The following FGD6 variants were observed in gnomAD, a reference collection of about 807,000 sequenced individuals.
FGD6 encodes FYVE, RhoGEF and PH domain containing 6, also known as FYVE, RhoGEF and PH domain-containing protein 6.
Under a neutral mutation model 149.4 loss-of-function variants are expected in FGD6, and 90 were observed. The ratio of observed to expected loss-of-function variants is 0.60; its 90% CI spans 0.51 to 0.72. The LOEUF (loss-of-function observed/expected upper bound fraction) is 0.72. Among genes scored for constraint, FGD6 ranks in the 30% least tolerant of loss-of-function variants. FGD6 has a pLI of 0.00. For missense variants in FGD6, 1,437 were observed against 1,684.8 expected (o/e 0.85, Z 2.57); for synonymous variants, 527 against 584.0 (o/e 0.90, Z 1.41).
intron 2 of FGD6, among the ~76,000 whole-genome samples, chr12:95,173,458 T>C (rs1018957666): frequency 1.3e-5 from 2 of 152,132 alleles, no homozygotes; most frequent in African/African-American, 2.4e-5. Flanking sequence ...AAGCTGAACT[T>C]GGAAAACCAC....
intron 2 of FGD6, among the ~76,000 whole-genome samples, chr12:95,182,905 C>T (rs2136288984): frequency 6.6e-6 from 1 of 152,338 alleles, no homozygotes. Flanking sequence ...AACAGGGTGA[C>T]CACTTTGTCC....
chr12:95,209,767 G>A lies in FGD6; in HGVS notation c.1517C>T (p.Ala506Val), dbSNP rs2056714342. ...GGCAGCCTTTTTAAGCACTCCTGTAGCAGGCAAGCTATGTCTTTGAGGTTT... is the reference window on the plus strand; with the variant it reads ...GGCAGCCTTTTTAAGCACTCCTGTAACAGGCAAGCTATGTCTTTGAGGTTT... ...PKKPQRHSLPATGVLKKAASE... is the reference protein window; with the variant it reads ...PKKPQRHSLPVTGVLKKAASE... Residue 506 changes from alanine to valine, a missense_variant, in exon 2 of 21, where the codon GCT becomes GTT. Ala to Val is a moderately conservative substitution (Grantham distance 64). Around this residue, in one of 2 missense-constraint regions of FGD6, gnomAD observed 1,055 missense variants for 1,146.0 expected, o/e 0.92. Coordinates refer to ENST00000343958, the MANE Select transcript of FGD6 (RefSeq NM_018351.4). The A allele has an allele frequency of 6.2e-7, 1 of 1,613,716 alleles. No homozygotes were observed. The highest frequency in any genetic ancestry group is 8.5e-7 in the Non-Finnish European group (1 of 1,179,986).
At chr12:95,193,532 T>TG (rs1194184372) in intron 2 of FGD6, among the ~76,000 whole-genome samples, 4 of 147,208 alleles carry the variant, frequency 2.7e-5, no homozygotes, top group Non-Finnish European at 4.5e-5. Context: ...TAATTCTTGT[T>TG]TTTTTTTTTT....
At chr12:95,151,969 A>G (rs1465134181) in intron 5 of FGD6, among the ~76,000 whole-genome samples, 2 of 152,196 alleles carry the variant, frequency 1.3e-5, no homozygotes, top group African/African-American at 2.4e-5. Context: ...AAAGGAGTGC[A>G]TGAGAAAAAT....
rs569408502 is a variant in FGD6, at chr12:95,164,318, G to A, written c.2586+8282C>T. Among the ~76,000 whole-genome samples the A allele has an allele frequency of 2.2e-4, 33 of 148,732 alleles. No homozygotes were observed. In the South Asian group the frequency reaches 6.8e-3, roughly 31 times the overall value. ...GTGCAGTGGCACGATCTCGGCTCAC[G>A]GCAAGCTCCGCCTCCCTGGTTCACG... On this transcript the variant is annotated intron_variant, in intron 3 of 20. Coordinates refer to ENST00000343958, the MANE Select transcript of FGD6 (RefSeq NM_018351.4).
chr12:95,200,729 T>C (rs911226554), intron 2 of FGD6, among the ~76,000 whole-genome samples: 22 of 152,246 alleles, frequency 1.4e-4, no homozygotes, highest in East Asian at 1.9e-4. Flanking sequence ...GCTCCAATCA[T>C]AGATTATCTC....
intron 8 of FGD6, 60 bp from the exon 9 acceptor site, chr12:95,113,761 T>C: frequency 5.5e-6 from 6 of 1,089,668 alleles, no homozygotes; most frequent in Non-Finnish European, 6.7e-6. Context: ...CAAACACATA[T>C]CTTTCTTTTT....
chr12:95,149,777 ATATAG>A (rs1007037183), intron 5 of FGD6, among the ~76,000 whole-genome samples: 11 of 145,072 alleles, frequency 7.6e-5, no homozygotes, highest in Non-Finnish European at 1.5e-4. Flanking sequence ...TATATAGTAT[ATATAG>A]TATATTATAT....
At position 95,078,222 on chromosome 12, in the gene FGD6, T is replaced by G. The variant is rs1470466534; in HGVS notation, c.*3298A>C. ...CAGTATTATGGAAGACAGTGATATA[T>G]TAAGTACAGTATCTGCCTTCAAGGA... On this transcript the variant is annotated 3_prime_UTR_variant, in exon 21 of 21. Transcript: ENST00000343958. 1 of 152,278 alleles carries G rather than the reference T, an allele frequency of 6.6e-6. No individual in the cohort carries two copies. The highest frequency in any genetic ancestry group is 1.5e-5 in the Non-Finnish European group (1 of 68,026). 9.4% of individuals were successfully genotyped at this position (152,278 alleles called of 1,614,324 possible).
At chr12:95,215,767 A>G (rs1348606051) in intron 1 of FGD6, among the ~76,000 whole-genome samples, 1 of 152,248 alleles carries the variant, frequency 6.6e-6, no homozygotes, top group Non-Finnish European at 1.5e-5. Context: ...CATAAATGTG[A>G]AATTACATGC....
At chr12:95,153,946 T>TGTGTGTGTGTGTGA (rs1192369573) in intron 3 of FGD6, among the ~76,000 whole-genome samples, 4 of 137,506 alleles carry the variant, frequency 2.9e-5, no homozygotes, top group African/African-American at 1.1e-4. Flanking sequence ...TGTGTGTGTG[T>TGTGTGTGTGTGTGA]GAGTGAGAGA....
chr12:95,086,010 A>C, intron 18 of FGD6, 102 bp from the exon 19 acceptor site: 1 of 1,088,226 alleles, frequency 9.2e-7, no homozygotes, highest in Middle Eastern at 2.5e-4. Flanking sequence ...CTGTAATGAT[A>C]GAATGTTTCA....
intron 9 of FGD6, 70 bp downstream of exon 9, chr12:95,113,581 T>C (rs965341577): frequency 4.1e-5 from 48 of 1,176,704 alleles, no homozygotes; most frequent in Non-Finnish European, 5.9e-5. Context: ...GTTATCAATA[T>C]ATTTTTACTT....
rs1317748753 is a variant in FGD6, at chr12:95,078,652, G to A, written c.*2868C>T. 6.6e-6 allele frequency: 1 copy of A among 152,192 alleles called. No homozygotes were observed. Among genetic ancestry groups the A allele is most frequent in the Non-Finnish European group, 1.5e-5 (1 of 68,050 alleles). The allele number at this position is 152,192 out of a possible 1,614,324, so 9.4% of individuals were successfully genotyped here. A position where few individuals can be genotyped will look rare whatever the true frequency, so the allele number is the denominator to read the frequency against. On this transcript the variant is annotated 3_prime_UTR_variant, in exon 21 of 21. Transcript: ENST00000343958. ...GGATGCTGGGTACATTACAGAAAAAGGGAAAAGAGATTGGAAAGAGTCGGA... is the reference window on the plus strand; with the variant it reads ...GGATGCTGGGTACATTACAGAAAAAAGGAAAAGAGATTGGAAAGAGTCGGA...
intron 8 of FGD6, among the ~76,000 whole-genome samples, chr12:95,126,788 C>G (rs191003365): frequency 1.3e-5 from 2 of 150,904 alleles, no homozygotes; most frequent in Non-Finnish European, 3.0e-5. Flanking sequence ...ATTAGCCAGA[C>G]GTGGTAGTGG....
chr12:95,137,533 TAAC>T lies in FGD6; in HGVS notation c.2980_2982del (p.Val994del). The T allele has an allele frequency of 6.3e-7, 1 of 1,582,660 alleles. No individual in the cohort carries two copies. Among genetic ancestry groups the T allele is most frequent in the Non-Finnish European group, 8.6e-7 (1 of 1,165,770 alleles). Reference sequence around the variant, plus strand: ...ATAGTAGCAAATACCTCAAATTCTCTAACAACAGCAGCAAAACCTGGATTTTTC... The same window carrying T: ...ATAGTAGCAAATACCTCAAATTCTCTAACAGCAGCAAAACCTGGATTTTTC... On this transcript the variant is annotated inframe_deletion, in exon 7 of 21. Transcript: ENST00000343958.
intron 3 of FGD6, among the ~76,000 whole-genome samples, chr12:95,172,384 A>T (rs1456842061): frequency 6.6e-6 from 1 of 152,176 alleles, no homozygotes; most frequent in Admixed American, 6.6e-5. Context: ...TCAAAATAAT[A>T]ATTTCTCAAA....
At chr12:95,121,559 T>G (rs992895267) in intron 8 of FGD6, among the ~76,000 whole-genome samples, 4 of 150,408 alleles carry the variant, frequency 2.7e-5, no homozygotes, top group African/African-American at 9.7e-5. Flanking sequence ...TGTCCTCATT[T>G]TAGAGTTTCA....
chr12:95,128,378 C>T (rs1032709317), intron 8 of FGD6, among the ~76,000 whole-genome samples: 6 of 152,034 alleles, frequency 3.9e-5, no homozygotes, highest in South Asian at 2.1e-4. Flanking sequence ...CTGGGATGAC[C>T]GGTGTGTGCC....
Sources: allele counts gnomAD v4.1 joint callset (sites outside exome capture counted in the v4.1 genomes callset), GRCh38; gene constraint gnomAD v4.1.1; regional missense constraint gnomAD v4.1.1; transcripts MANE v1.5; gene names NCBI Gene and HGNC (gene_info 2026-07-23, HGNC 2026-07-21).